The following GSE1 variants were observed in gnomAD, a reference collection of about 807,000 sequenced individuals.
GSE1 encodes the protein genetic suppressor element 1.
Under a neutral mutation model 112.6 loss-of-function variants are expected in GSE1, and 32 were observed. The ratio of observed to expected loss-of-function variants is 0.28; its 90% CI spans 0.21 to 0.38. The LOEUF (loss-of-function observed/expected upper bound fraction) is 0.38, where lower values mean the gene tolerates loss of function less well. GSE1 is among the 10% of genes least tolerant of loss of function. The probability of loss-of-function intolerance (pLI) is 1.00; values close to 1 mark genes in which losing one functional copy is unlikely to be tolerated. For synonymous variants in GSE1, 1,115 were observed against 735.6 expected (o/e 1.52, Z -8.35); for missense variants, 2,348 against 1,699.2 (o/e 1.38, Z -6.71).
chr16:85,215,366 C>T (rs1477930393), intron 1 of GSE1, among the ~76,000 whole-genome samples: 1 of 152,098 alleles, frequency 6.6e-6, no homozygotes, highest in Non-Finnish European at 1.5e-5. Context: ...TCCACACGGG[C>T]AGGCGGAGTG....
intron 1 of GSE1, among the ~76,000 whole-genome samples, chr16:85,579,340 C>T (rs2046356109): frequency 6.6e-6 from 1 of 152,186 alleles, no homozygotes; most frequent in Non-Finnish European, 1.5e-5. Context: ...TGGCTGGGGC[C>T]AGCTTGGGTC....
chr16:85,211,928 A>G (rs2075232967), intron 1 of GSE1, among the ~76,000 whole-genome samples: 1 of 152,168 alleles, frequency 6.6e-6, no homozygotes, highest in Admixed American at 6.5e-5. Flanking sequence ...AGGGGGCTGA[A>G]GGCTTCTGTG....
chr16:85,322,248 A>AGTCTGG (rs1421425232), intron 1 of GSE1, among the ~76,000 whole-genome samples: 2 of 140,614 alleles, frequency 1.4e-5, no homozygotes, highest in Non-Finnish European at 3.1e-5. Flanking sequence ...CCTGGAGGCC[A>AGTCTGG]GTCTGGGTCT....
At chr16:85,279,752 G>A (rs1018652543) in intron 1 of GSE1, among the ~76,000 whole-genome samples, 1 of 152,156 alleles carries the variant, frequency 6.6e-6, no homozygotes, top group African/African-American at 2.4e-5. Context: ...CATTATGGGA[G>A]GCGGTGTTTT....
intron 2 of GSE1, among the ~76,000 whole-genome samples, chr16:85,389,898 G>C (rs1362923507): frequency 1.3e-5 from 2 of 152,180 alleles, no homozygotes; most frequent in Non-Finnish European, 2.9e-5. Flanking sequence ...ACGCTTAGCG[G>C]ATCTGGGCAA....
At chr16:85,672,287 G>A (rs746621496) in intron 15 of GSE1, 118 bp from the exon 16 acceptor site, 42 of 748,878 alleles carry the variant, frequency 5.6e-5, no homozygotes, top group South Asian at 3.3e-4. Flanking sequence ...GAGCCACCAC[G>A]CCCGGCCGGG....
At chr16:85,301,354 G>A (rs1351054950) in intron 1 of GSE1, among the ~76,000 whole-genome samples, 2 of 152,244 alleles carry the variant, frequency 1.3e-5, no homozygotes. Context: ...ATTGAGGAAG[G>A]CCCTGGAGTG....
At chr16:85,671,191 T>C in intron 15 of GSE1, 93 bp downstream of exon 15, 1 of 700,944 alleles carries the variant, frequency 1.4e-6, no homozygotes, top group South Asian at 1.7e-5. Context: ...AGAGGAAATG[T>C]GCTCTTAAGA....
intron 2 of GSE1, among the ~76,000 whole-genome samples, chr16:85,550,383 C>G (rs962803512): frequency 6.6e-6 from 1 of 152,146 alleles, no homozygotes; most frequent in Non-Finnish European, 1.5e-5. Flanking sequence ...GGATCCAATG[C>G]GCTATCCAGG....
intron 1 of GSE1, among the ~76,000 whole-genome samples, chr16:85,628,857 C>T (rs1421606734): frequency 2.0e-5 from 3 of 152,308 alleles, no homozygotes; most frequent in Non-Finnish European, 2.9e-5. Context: ...GGGACTCGCG[C>T]CATGGCCTCT....
intron 2 of GSE1, among the ~76,000 whole-genome samples, chr16:85,423,835 G>A (rs553348121): frequency 2.6e-5 from 4 of 152,206 alleles, no homozygotes; most frequent in East Asian, 1.9e-4. Flanking sequence ...GGCCTCTGCC[G>A]CTCACAGGCA....
chr16:85,485,484 T>C (rs928373667), intron 2 of GSE1, among the ~76,000 whole-genome samples: 4 of 152,244 alleles, frequency 2.6e-5, no homozygotes, highest in African/African-American at 9.6e-5. Context: ...GCATGGCCCC[T>C]GCTCAGGCTC....
chr16:85,548,090 G>A (rs1405680608), intron 2 of GSE1, among the ~76,000 whole-genome samples: 4 of 151,676 alleles, frequency 2.6e-5, no homozygotes, highest in Admixed American at 1.3e-4. Context: ...TTAGCTGGGC[G>A]TGGTGGCGCA....
chr16:85,488,276 C>G (rs2050904996), intron 2 of GSE1, among the ~76,000 whole-genome samples: 1 of 152,132 alleles, frequency 6.6e-6, no homozygotes, highest in Non-Finnish European at 1.5e-5. Context: ...AGTCTTTTCT[C>G]CACTTAATTC....
chr16:85,559,194 A>C (rs1395432260), intron 1 of GSE1, among the ~76,000 whole-genome samples: 2 of 152,002 alleles, frequency 1.3e-5, no homozygotes, highest in African/African-American at 4.8e-5. Context: ...CCCTGTTACA[A>C]ATGCTTTGTG....
intron 3 of GSE1, among the ~76,000 whole-genome samples, chr16:85,654,062 C>T (rs1477659622): frequency 2.0e-5 from 3 of 152,168 alleles, no homozygotes; most frequent in African/African-American, 4.8e-5. Flanking sequence ...CCGAGACGCA[C>T]TTCACCCCAG....
intron 1 of GSE1, among the ~76,000 whole-genome samples, chr16:85,328,717 C>G (rs116715269): frequency 0.018 from 2,798 of 152,324 alleles, 91 homozygotes; most frequent in African/African-American, 0.063. Context: ...GGGTCTCTCC[C>G]CGTAGTCATG....
intron 2 of GSE1, among the ~76,000 whole-genome samples, chr16:85,423,721 TCC>T (rs1371640842): frequency 1.5e-5 from 2 of 129,890 alleles, no homozygotes; most frequent in African/African-American, 2.5e-5. Context: ...CAAGCGTGTA[TCC>T]CTCTCTCTGT....
In GSE1 at chr16:85,643,102, C is replaced by T. The variant is rs144154093; in HGVS notation, c.227-5450C>T. Among the ~76,000 whole-genome samples, 18 of 152,296 alleles carry T rather than the reference C, an allele frequency of 1.2e-4. No individual in the cohort carries two copies. The East Asian group carries it at 2.1e-3, about 18-fold the overall frequency. On this transcript the variant is annotated intron_variant, in intron 2 of 15. Transcript: ENST00000253458. The stretch of plus-strand genomic sequence containing the variant: ...TGTTTTTGCCCTCAATACACTCCCT[C>T]GCTGACTTTGGGGTGTCAGCTGTTA...
Sources: gnomAD v4.1 joint callset for allele counts (sites outside exome capture counted in the v4.1 genomes callset) on GRCh38, gnomAD v4.1.1 for gene constraint, MANE v1.5 for transcripts, NCBI Gene and HGNC (gene_info 2026-07-23, HGNC 2026-07-21) for gene names.